CDH3: variants seen among roughly 807,000 people sequenced by gnomAD.
CDH3 encodes the protein cadherin-3.
A neutral mutation model predicts 82.0 loss-of-function variants in CDH3; 54 were observed. The observed-to-expected ratio is 0.66, with a 90% CI of 0.53 to 0.83. The LOEUF is 0.83. Ranked by LOEUF, CDH3 falls within the 40% of genes least tolerant of loss-of-function variation. The pLI is 0.00. For missense variants in CDH3, 1,054 were observed against 1,084.6 expected (o/e 0.97, Z 0.40); for synonymous variants, 446 against 437.9 (o/e 1.02, Z -0.23).
chr16:68,684,461 C>G, intron 9 of CDH3, 122 bp from the exon 10 acceptor site: 1 of 1,103,322 alleles, frequency 9.1e-7, no homozygotes, highest in Non-Finnish European at 1.4e-6. Flanking sequence ...AAGGGCAGCA[C>G]TGTTGCTAGT....
rs951587944 is a variant in CDH3 at position 68,700,023 on chromosome 16, T to G, written c.*1623T>G. The G allele has an allele frequency of 6.6e-6, 1 of 152,148 alleles. No homozygotes were observed. 9.4% of individuals were successfully genotyped at this position (152,148 alleles called of 1,614,324 possible). A position where few individuals can be genotyped will look rare whatever the true frequency, so the allele number is the denominator to read the frequency against. On this transcript the variant is annotated 3_prime_UTR_variant, in exon 16 of 16. Transcript: ENST00000264012. ...CTTTCTCCTTTAAAGAATGGCCACATTGTATTTGTTTTTTTAAATGACATC... is the reference window on the plus strand; with the variant it reads ...CTTTCTCCTTTAAAGAATGGCCACAGTGTATTTGTTTTTTTAAATGACATC...
chr16:68,679,726 A>G (rs996773561), intron 6 of CDH3, 73 bp from the exon 7 acceptor site: 1 of 975,370 alleles, frequency 1.0e-6, no homozygotes, highest in Non-Finnish European at 1.6e-6. Flanking sequence ...AAAGAAAAGA[A>G]AAAAAGAGTT....
exon 3 of CDH3, among the ~76,000 whole-genome samples, chr16:68,727,307 C>T (rs1330498714): frequency 6.6e-6 from 1 of 152,206 alleles, no homozygotes; most frequent in Admixed American, 6.5e-5. Flanking sequence ...CTTCCTGGTT[C>T]TCCAGCTTGT....
intron 2 of CDH3, among the ~76,000 whole-genome samples, chr16:68,674,421 G>T (rs1486510470): frequency 6.6e-6 from 1 of 152,082 alleles, no homozygotes; most frequent in Non-Finnish European, 1.5e-5. Flanking sequence ...ACATATTCTG[G>T]ATATTAATCG....
downstream of CDH3, among the ~76,000 whole-genome samples, chr16:68,705,056 T>C (rs951661574): frequency 9.2e-5 from 14 of 151,920 alleles, no homozygotes; most frequent in African/African-American, 3.4e-4. Context: ...AACAAGACCC[T>C]GCCTCAAAAA....
At position 68,680,960 on chromosome 16, in the gene CDH3, C is replaced by G. The variant is rs763428561; in HGVS notation, c.868-8C>G. ...TCACAATGGGCTTCCCCTCTCCTTT[C>G]TCCCCAGAAAGTCCCTGAGTACACA... On this transcript the variant is annotated splice_polypyrimidine_tract_variant and splice_region_variant and intron_variant, in intron 7 of 15. Transcript: ENST00000264012. 1.9e-6 allele frequency: 3 copies of G among 1,613,946 alleles called. No individual in the cohort carries two copies. The highest frequency in any genetic ancestry group is 4.5e-5 in the East Asian group (2 of 44,874).
In CDH3 at chr16:68,712,800, G is replaced by A. The variant is rs1962046861; in HGVS notation, c.100-9625G>A. Among the ~76,000 whole-genome samples, 4 of 151,968 alleles carry A rather than the reference G, an allele frequency of 2.6e-5. No homozygotes were observed. In the South Asian group the frequency reaches 8.3e-4, roughly 32 times the overall value. On this transcript the variant is annotated intron_variant, in intron 1 of 2. Coordinates refer to the CDH3 transcript ENST00000569080. ...GGGTTCAAGCAATTCTCCTGCCTCA[G>A]CCTCCCAAGTAGCTGGGATTACAGG...
At chr16:68,662,043 T>A (rs1272314648) in intron 2 of CDH3, among the ~76,000 whole-genome samples, 1 of 152,216 alleles carries the variant, frequency 6.6e-6, no homozygotes, top group African/African-American at 2.4e-5. Context: ...TGGAGGAAAG[T>A]TATTCAAAGC....
At chr16:68,731,389 AAAAAAAATAT>A (rs1164604193), downstream of CDH3, among the ~76,000 whole-genome samples, 2 of 8,264 alleles carry the variant, frequency 2.4e-4, 1 homozygote, top group Non-Finnish European at 5.2e-4. Flanking sequence ...AAAAAAAAAA[AAAAAAAATAT>A]ATATATATAT....
At chr16:68,731,574 T>G (rs1290405931), downstream of CDH3, among the ~76,000 whole-genome samples, 3 of 149,260 alleles carry the variant, frequency 2.0e-5, no homozygotes, top group Non-Finnish European at 3.0e-5. Context: ...TGATGGCTCA[T>G]GTTTGTAATC....
chr16:68,691,974 G>A, intron 13 of CDH3, 48 bp downstream of exon 13: 1 of 1,481,250 alleles, frequency 6.8e-7, no homozygotes, highest in South Asian at 1.1e-5. Flanking sequence ...GGAGTTGAAA[G>A]ACTGGATTCT....
chr16:68,704,958 G>T (rs1253736244), downstream of CDH3, among the ~76,000 whole-genome samples: 1 of 152,142 alleles, frequency 6.6e-6, no homozygotes. Flanking sequence ...AGCTACTCGG[G>T]AGGCTGAGGA....
chr16:68,683,387 C>CA (rs1219880188), intron 9 of CDH3, among the ~76,000 whole-genome samples: 1 of 152,232 alleles, frequency 6.6e-6, no homozygotes, highest in East Asian at 1.9e-4. Flanking sequence ...TGCTGTGGCT[C>CA]ACGCCTGTAA....
Position 68,698,464 on chromosome 16 carries a change from T to A in CDH3, c.*64T>A. ...ACAGAGCATCTCCAAGGGGTCTCAG[T>A]TCCCCCTTCAGCTGAGGACTTCGGA... On this transcript the variant is annotated 3_prime_UTR_variant, in exon 16 of 16. Coordinates refer to ENST00000264012, the MANE Select transcript of CDH3 (RefSeq NM_001793.6). The A allele has an allele frequency of 6.8e-7, 1 of 1,465,704 alleles. No individual in the cohort carries two copies. Among genetic ancestry groups the A allele is most frequent in the Non-Finnish European group, 9.5e-7 (1 of 1,047,922 alleles). 90.8% of individuals were successfully genotyped at this position (1,465,704 alleles called of 1,614,324 possible). A position where few individuals can be genotyped will look rare whatever the true frequency, so the allele number is the denominator to read the frequency against.
chr16:68,674,153 G>A (rs1225246659), intron 2 of CDH3, among the ~76,000 whole-genome samples: 1 of 152,218 alleles, frequency 6.6e-6, no homozygotes, highest in Non-Finnish European at 1.5e-5. Context: ...CCCACCAGCA[G>A]TGTACGACAA....
At chr16:68,664,788 A>T (rs1052676955) in intron 2 of CDH3, among the ~76,000 whole-genome samples, 4 of 151,912 alleles carry the variant, frequency 2.6e-5, no homozygotes, top group African/African-American at 9.7e-5. Flanking sequence ...CCTCTCAAGT[A>T]GCTGGGACCA....
chr16:68,687,736 G>T lies in CDH3; in HGVS notation c.1795G>T (p.Gly599Cys), dbSNP rs1961456638. ...CTGGACGGCAGAGGTCAACGAGGAA[G>T]GTACCTGAGTGAGTGGTGGTAGCGG... ...IYWTAEVNEEGDTVVLSLKKF... is the reference protein window; with the variant it reads ...IYWTAEVNEECDTVVLSLKKF... Residue 599 changes from glycine to cysteine, a missense_variant and splice_region_variant, in exon 12 of 16, where the codon GGT becomes TGT. By Grantham distance (159) the Gly-to-Cys change is radical (BLOSUM62 -3). Transcript: ENST00000264012. The T allele has an allele frequency of 6.2e-7, 1 of 1,611,940 alleles. No homozygotes were observed.
At position 68,684,611 on chromosome 16, in the gene CDH3, A is replaced by G. The variant is rs2152102597; in HGVS notation, c.1211A>G (p.His404Arg). 1.2e-5 allele frequency: 20 copies of G among 1,614,150 alleles called. No individual in the cohort carries two copies. Among genetic ancestry groups the G allele is most frequent in the Non-Finnish European group, 1.6e-5 (19 of 1,180,028 alleles). Residue 404 changes from histidine (H) to arginine (R), a missense_variant, in exon 10 of 16, where the codon CAC becomes CGC. Transcript: ENST00000264012. Reference sequence around the variant, plus strand: ...TTGGATTTTGAGGCCAAAAACCAGCACACCCTGTACGTTGAAGTGACCAAC... The same window carrying G: ...TTGGATTTTGAGGCCAAAAACCAGCGCACCCTGTACGTTGAAGTGACCAAC... ...KGLDFEAKNQ[H>R]TLYVEVTNEA...
At chr16:68,686,446 C>T (rs186414939) in intron 11 of CDH3, 1 of 1,369,754 alleles carries the variant, frequency 7.3e-7, no homozygotes, top group Non-Finnish European at 1.0e-6. Flanking sequence ...AGGAGCGCCG[C>T]TGAAACTGTA....
Sources: allele counts gnomAD v4.1 joint callset (sites outside exome capture counted in the v4.1 genomes callset), GRCh38; gene constraint gnomAD v4.1.1; transcripts MANE v1.5; gene names NCBI Gene and HGNC (gene_info 2026-07-23, HGNC 2026-07-21).